The following SERINC3 variants were observed in gnomAD, a reference collection of about 807,000 sequenced individuals.
SERINC3 encodes the protein tumor differentially expressed protein 1.
SERINC3 carries 22 observed loss-of-function variants against 52.1 expected under a neutral mutation model. The observed-to-expected ratio is 0.42, with a 90% CI of 0.30 to 0.60. SERINC3 has a LOEUF of 0.60. Ranked by LOEUF, SERINC3 falls within the 20% of genes least tolerant of loss-of-function variation. SERINC3 has a pLI of 0.16. For synonymous variants in SERINC3, 226 were observed against 212.7 expected (o/e 1.06, Z -0.54); for missense variants, 564 against 584.6 (o/e 0.96, Z 0.36).
intron 9 of SERINC3, among the ~76,000 whole-genome samples, chr20:44,500,862 A>G (rs2064275072): frequency 6.6e-6 from 1 of 152,102 alleles, no homozygotes; most frequent in African/African-American, 2.4e-5. Flanking sequence ...TTTCTCTCTC[A>G]ATTAACTCAA....
chr20:44,503,756 C>G (rs1239608392), intron 8 of SERINC3, 59 bp downstream of exon 8: 10 of 1,345,834 alleles, frequency 7.4e-6, no homozygotes, highest in Non-Finnish European at 1.0e-5. Flanking sequence ...AGCAAAACAG[C>G]TTCTTCACTT....
chr20:44,517,221 C>T (rs879628790), intron 1 of SERINC3, among the ~76,000 whole-genome samples: 2 of 152,106 alleles, frequency 1.3e-5, no homozygotes, highest in Non-Finnish European at 2.9e-5. Flanking sequence ...ATTTATCAGG[C>T]TCAATATATC....
chr20:44,514,708 C>G, intron 1 of SERINC3, among the ~76,000 whole-genome samples: 1 of 152,158 alleles, frequency 6.6e-6, no homozygotes. Context: ...TCACACTGAG[C>G]TGAGATTGCG....
In SERINC3 at chr20:44,500,231, G is replaced by A; in HGVS notation, c.*65C>T. 6.6e-7 allele frequency: 1 copy of A among 1,509,702 alleles called. No homozygotes were observed. Among genetic ancestry groups the A allele is most frequent in the Non-Finnish European group, 8.9e-7 (1 of 1,117,546 alleles). The allele number at this position is 1,509,702 out of a possible 1,614,324, so 93.5% of individuals were successfully genotyped here. Reference sequence around the variant, plus strand: ...TATTTTAGTTGAAACAAACTTAAAAGGTATATGGGTTTTCGGTGAAGGAGA... The same window carrying A: ...TATTTTAGTTGAAACAAACTTAAAAAGTATATGGGTTTTCGGTGAAGGAGA... On this transcript the variant is annotated 3_prime_UTR_variant, in exon 10 of 10. Coordinates refer to ENST00000342374, the MANE Select transcript of SERINC3 (RefSeq NM_006811.4).
At chr20:44,496,686 C>T (rs1196483502), downstream of SERINC3, among the ~76,000 whole-genome samples, 1 of 152,078 alleles carries the variant, frequency 6.6e-6, no homozygotes, top group East Asian at 1.9e-4. Context: ...CCCAGCTACT[C>T]AGGAGACTGA....
intron 5 of SERINC3, among the ~76,000 whole-genome samples, chr20:44,508,989 C>A (rs187243359): frequency 6.6e-6 from 1 of 152,180 alleles, no homozygotes; most frequent in East Asian, 1.9e-4. Context: ...AATAAAACTG[C>A]GCAATTCAAT....
intron 1 of SERINC3, among the ~76,000 whole-genome samples, chr20:44,516,629 T>G (rs138968387): frequency 6.6e-6 from 1 of 152,136 alleles, no homozygotes; most frequent in Non-Finnish European, 1.5e-5. Context: ...TGACCTCAAG[T>G]GATCTGCCCG....
rs1224373605 is a variant in SERINC3 at position 44,501,122 on chromosome 20, G to C, written c.1234C>G (p.Leu412Val). The part of the protein sequence containing the change: ...QYSYSLFHLM[L>V]CLASLYIMMT... Reference sequence around the variant, plus strand: ...ATGATGTACAAGGAAGCCAAGCAGAGCATGAGGTGGAATAAGGAGTAGCTA... The same window carrying C: ...ATGATGTACAAGGAAGCCAAGCAGACCATGAGGTGGAATAAGGAGTAGCTA... The change falls in exon 9 of 10, where the codon CTC becomes GTC. Residue 412 changes from leucine (L) to valine (V), a missense_variant. By Grantham distance (32) the Leu-to-Val change is conservative (BLOSUM62 1). Coordinates refer to ENST00000342374, the MANE Select transcript of SERINC3 (RefSeq NM_006811.4). The C allele has an allele frequency of 6.2e-7, 1 of 1,614,094 alleles. No individual in the cohort carries two copies. Among genetic ancestry groups the C allele is most frequent in the Non-Finnish European group, 8.5e-7 (1 of 1,180,012 alleles).
At chr20:44,509,556 T>C (rs1012800185) in intron 5 of SERINC3, among the ~76,000 whole-genome samples, 1 of 152,076 alleles carries the variant, frequency 6.6e-6, no homozygotes, top group African/African-American at 2.4e-5. Flanking sequence ...AGAGACAGGG[T>C]CTTGCTCTGT....
intron 5 of SERINC3, among the ~76,000 whole-genome samples, chr20:44,508,676 G>A (rs1480585408): frequency 1.3e-5 from 2 of 152,166 alleles, no homozygotes; most frequent in Non-Finnish European, 2.9e-5. Flanking sequence ...TTGAATGCAG[G>A]TTAAATGAGT....
In SERINC3 at chr20:44,509,984, T is replaced by C; in HGVS notation, c.520A>G (p.Ile174Val). 1.2e-6 allele frequency: 2 copies of C among 1,614,142 alleles called. No individual in the cohort carries two copies. The highest frequency in any genetic ancestry group is 2.2e-5 in the East Asian group (1 of 44,888). ...AAATCTACCAGCAGCACCAGCTGAA[T>C]GAGGATGAAGAGGGCGGCCCCTATC... ...GMIGAALFIL[I>V]QLVLLVDFAH... Residue 174 changes from isoleucine (I) to valine (V), a missense_variant, in exon 5 of 10, where the codon ATT (isoleucine) becomes GTT (valine). Transcript: ENST00000342374.
Position 44,501,337 on chromosome 20 carries a change from G to A in SERINC3, c.1056-37C>T, listed in dbSNP as rs927987306. On this transcript the variant is annotated intron_variant, in intron 8 of 9. Transcript: ENST00000342374. The stretch of plus-strand genomic sequence containing the variant: ...TCCCAAGGAAGACAAATCAGAAAGG[G>A]GCCATGACAATGAACTGCTGCCACT... 1.9e-6 allele frequency: 3 copies of A among 1,563,452 alleles called. No homozygotes were observed. The African/African-American group carries it at 4.1e-5, about 21-fold the overall frequency.
chr20:44,513,642 T>C (rs1221453249), intron 2 of SERINC3, among the ~76,000 whole-genome samples: 2 of 152,324 alleles, frequency 1.3e-5, no homozygotes, highest in East Asian at 3.9e-4. Context: ...AGAAAATGTT[T>C]TGGAGCCACC....
chr20:44,506,152 T>C (rs1187296552), intron 6 of SERINC3, among the ~76,000 whole-genome samples: 1 of 150,832 alleles, frequency 6.6e-6, no homozygotes, highest in Non-Finnish European at 1.5e-5. Context: ...AATACAAAAA[T>C]TAGCCGGGCA....
Position 44,516,552 on chromosome 20 carries a change from C to T in SERINC3, c.40-2512G>A, listed in dbSNP as rs182876939. Among the ~76,000 whole-genome samples, 6 of 151,936 alleles carry T rather than the reference C, an allele frequency of 3.9e-5. No individual in the cohort carries two copies. In the East Asian group the frequency reaches 1.2e-3, roughly 30 times the overall value. On this transcript the variant is annotated intron_variant, in intron 1 of 9. Coordinates refer to ENST00000342374, the MANE Select transcript of SERINC3 (RefSeq NM_006811.4). ...TTACAGGGATTACAGACACGTGCCA[C>T]CATGCTCAGCTAATTTTTGTGTAAA...
chr20:44,510,195 A>G (rs772151280), intron 4 of SERINC3, among the ~76,000 whole-genome samples, 167 bp from the exon 5 acceptor site: 4 of 152,338 alleles, frequency 2.6e-5, no homozygotes, highest in East Asian at 3.9e-4. Context: ...AAAGCTTTCT[A>G]CTGGGTTTCA....
chr20:44,500,398 C>CCACTTGCTGGT lies in SERINC3; in HGVS notation c.1309_1319dup (p.Trp440Ter). On this transcript the variant is annotated stop_gained and frameshift_variant, in exon 10 of 10. Coordinates refer to ENST00000342374, the MANE Select transcript of SERINC3 (RefSeq NM_006811.4). LOFTEE classifies it high-confidence loss of function. ...AGCTGATCTTGACCCACACAGCTGG[C>CCACTTGCTGGT]CACTTGCTGGTCATGCTCTGAAACT... 6.3e-7 allele frequency: 1 copy of CCACTTGCTGGT among 1,586,162 alleles called. No homozygotes were observed. The highest frequency in any genetic ancestry group is 8.6e-7 in the Non-Finnish European group (1 of 1,165,574).
intron 5 of SERINC3, 101 bp downstream of exon 5, chr20:44,509,790 G>T: frequency 7.7e-7 from 1 of 1,294,452 alleles, no homozygotes; most frequent in Non-Finnish European, 1.1e-6. Context: ...TTGGACTTCT[G>T]TCCCTGAGGA....
rs1287485787 is a variant in SERINC3 at position 44,501,226 on chromosome 20, G to T, written c.1130C>A (p.Thr377Lys). The change falls in exon 9 of 10, where the codon ACA (threonine) becomes AAA (lysine). Residue 377 changes from threonine to lysine, a missense_variant. Coordinates refer to ENST00000342374, the MANE Select transcript of SERINC3 (RefSeq NM_006811.4). The part of the protein sequence containing the change: ...SGSDSVILGD[T>K]TTSGASDEED... ...TTCATCACTGGCACCACTGGTAGTT[G>T]TATCACCAAGGATGACGCTGTCACT... 3 of 1,614,062 alleles carry T rather than the reference G, an allele frequency of 1.9e-6. No individual in the cohort carries two copies. Among genetic ancestry groups the T allele is most frequent in the Admixed American group, 3.3e-5 (2 of 60,008 alleles).
Sources: gnomAD v4.1 joint callset for allele counts (sites outside exome capture counted in the v4.1 genomes callset) on GRCh38, gnomAD v4.1.1 for gene constraint, MANE v1.5 for transcripts, NCBI Gene and HGNC (gene_info 2026-07-23, HGNC 2026-07-21) for gene names.